GRK4: variants seen among roughly 807,000 people sequenced by gnomAD.
GRK4 encodes the protein G protein-coupled receptor kinase 2-like.
A neutral mutation model predicts 77.9 loss-of-function variants in GRK4; 73 were observed. The ratio of observed to expected loss-of-function variants is 0.94; its 90% confidence interval spans 0.78 to 1.14. The LOEUF is 1.14. Ranked by LOEUF, GRK4 falls within the 50% of genes most tolerant of loss-of-function variation. The pLI is 0.00. For synonymous variants in GRK4, 257 were observed against 254.4 expected (o/e 1.01, Z -0.10); for missense variants, 729 against 700.2 (o/e 1.04, Z -0.46).
chr4:2,972,528 G>C (rs935951581), intron 1 of GRK4, among the ~76,000 whole-genome samples: 1 of 152,038 alleles, frequency 6.6e-6, no homozygotes, highest in African/African-American at 2.4e-5. Context: ...AAACCTGCGG[G>C]GGGGGGCCCT....
At chr4:3,000,029 C>T (rs966843715) in intron 4 of GRK4, among the ~76,000 whole-genome samples, 2 of 152,224 alleles carry the variant, frequency 1.3e-5, no homozygotes, top group South Asian at 4.1e-4. Context: ...TCCCTTCCCT[C>T]TCCACCAGTG....
intron 2 of GRK4, among the ~76,000 whole-genome samples, 172 bp downstream of exon 2, chr4:2,984,780 A>G (rs1723789041): frequency 6.6e-6 from 1 of 152,054 alleles, no homozygotes; most frequent in Non-Finnish European, 1.5e-5. Context: ...TCTGATCTGC[A>G]GTTATAAAGT....
At chr4:3,038,596 C>G in intron 15 of GRK4, 83 bp downstream of exon 15, 1 of 1,481,710 alleles carries the variant, frequency 6.7e-7, no homozygotes, top group Non-Finnish European at 9.1e-7. Flanking sequence ...AAACCTGGTA[C>G]TTTTTCTGTT....
intron 4 of GRK4, among the ~76,000 whole-genome samples, chr4:3,003,479 C>A (rs1399457304): frequency 6.6e-6 from 1 of 151,458 alleles, no homozygotes; most frequent in African/African-American, 2.4e-5. Context: ...GGGTGAGTCA[C>A]CATGCCGGCC....
At chr4:2,964,147 ACC>A (rs142156088) in intron 1 of GRK4, 25 bp downstream of exon 1, 27 of 1,152,110 alleles carry the variant, frequency 2.3e-5, no homozygotes, top group South Asian at 3.0e-5. Flanking sequence ...GGCGCCCCCG[ACC>A]CCCCCCCCAG....
At chr4:2,965,356 C>CA (rs1406697942) in intron 1 of GRK4, 4 of 702,934 alleles carry the variant, frequency 5.7e-6, no homozygotes, top group African/African-American at 3.5e-5. Context: ...GCCTGCGTCT[C>CA]AAGAGAGCTG....
intron 12 of GRK4, among the ~76,000 whole-genome samples, chr4:3,034,366 C>T (rs1009708808): frequency 2.0e-5 from 3 of 152,162 alleles, no homozygotes; most frequent in Admixed American, 6.6e-5. Context: ...TGGTAAACAG[C>T]GTCTAGACTT....
At chr4:3,014,728 C>T (rs1273061401) in intron 8 of GRK4, among the ~76,000 whole-genome samples, 1 of 151,854 alleles carries the variant, frequency 6.6e-6, no homozygotes, top group Admixed American at 6.6e-5. Context: ...ACCTGGGAGG[C>T]GGAGGTTGCA....
intron 1 of GRK4, among the ~76,000 whole-genome samples, chr4:2,981,232 C>G (rs1005357055): frequency 1.3e-5 from 2 of 152,248 alleles, no homozygotes; most frequent in African/African-American, 4.8e-5. Flanking sequence ...CTTCTCATCA[C>G]CCACAACGTG....
intron 1 of GRK4, chr4:2,965,681 A>G (rs1364107504): frequency 1.8e-6 from 1 of 555,446 alleles, no homozygotes; most frequent in Non-Finnish European, 3.2e-6. Context: ...CTCTTTAAAA[A>G]AGTCTAAAAC....
At chr4:3,025,920 A>G (rs759455735) in intron 10 of GRK4, among the ~76,000 whole-genome samples, 19 of 152,204 alleles carry the variant, frequency 1.2e-4, no homozygotes, top group Non-Finnish European at 2.5e-4. Flanking sequence ...ATTGTCCTCC[A>G]CGTGGCTATT....
At chr4:3,007,644 C>CT in intron 5 of GRK4, 92 bp from the exon 6 acceptor site, 1 of 674,734 alleles carries the variant, frequency 1.5e-6, no homozygotes, top group Non-Finnish European at 2.4e-6. Flanking sequence ...GATTGGCTTT[C>CT]CCATATTCAG....
chr4:2,973,238 C>T (rs187144131), intron 1 of GRK4, among the ~76,000 whole-genome samples: 280 of 152,348 alleles, frequency 1.8e-3, no homozygotes, highest in Non-Finnish European at 3.0e-3. Context: ...CTTCCTGTTG[C>T]GCTGCTTGCC....
At position 3,004,263 on chromosome 4, in the gene GRK4, T is replaced by A; in HGVS notation, c.372T>A (p.Asp124Glu). 6.2e-7 allele frequency: 1 copy of A among 1,613,888 alleles called. No homozygotes were observed. Among genetic ancestry groups the A allele is most frequent in the Non-Finnish European group, 8.5e-7 (1 of 1,179,758 alleles). Reference protein sequence around the residue: ...LAAPLPEIPPDVVTECRLGLK... With the variant: ...LAAPLPEIPPEVVTECRLGLK... ...CCCCTTTACCAGAAATACCTCCAGA[T>A]GTTGTGACAGAATGTAGATTGGGAC... Residue 124 changes from aspartate (D) to glutamate (E), a missense_variant, in exon 5 of 16, where the codon GAT (aspartate) becomes GAA (glutamate). Transcript: ENST00000398052.
intron 1 of GRK4, among the ~76,000 whole-genome samples, chr4:2,981,533 C>G (rs1722872094): frequency 1.3e-5 from 2 of 152,148 alleles, no homozygotes; most frequent in South Asian, 4.1e-4. Context: ...GAGTATACAG[C>G]CCTCAGTGGA....
intron 1 of GRK4, among the ~76,000 whole-genome samples, chr4:2,970,428 G>A (rs556688857): frequency 1.2e-4 from 18 of 152,200 alleles, no homozygotes; most frequent in South Asian, 1.0e-3. Context: ...GGGAGGCCAA[G>A]GCGGGCGGAT....
intron 1 of GRK4, chr4:2,965,356 CAA>C (rs1346002627): frequency 1.0e-5 from 7 of 703,052 alleles, no homozygotes; most frequent in Admixed American, 2.0e-5. Flanking sequence ...GCCTGCGTCT[CAA>C]GAGAGCTGGC....
intron 11 of GRK4, among the ~76,000 whole-genome samples, chr4:3,028,648 T>G (rs1482423508): frequency 6.6e-6 from 1 of 152,220 alleles, no homozygotes; most frequent in African/African-American, 2.4e-5. Context: ...TACAAATGTT[T>G]AAAAATATTA....
chr4:2,979,645 G>A (rs374741414), intron 1 of GRK4, among the ~76,000 whole-genome samples: 19 of 152,286 alleles, frequency 1.2e-4, no homozygotes, highest in South Asian at 4.1e-4. Context: ...CCCAGTAGGC[G>A]GAGGTTGTGG....
Sources: allele counts gnomAD v4.1 joint callset (sites outside exome capture counted in the v4.1 genomes callset), GRCh38; gene constraint gnomAD v4.1.1; transcripts MANE v1.5; gene names NCBI Gene and HGNC (gene_info 2026-07-23, HGNC 2026-07-21).